COX7B2: variants seen among roughly 807,000 people sequenced by gnomAD.
COX7B2 encodes the protein cytochrome c oxidase subunit 7B2, also known as cytochrome c oxidase subunit 7B2, mitochondrial.
For synonymous variants in COX7B2, 37 were observed against 32.1 expected (o/e 1.15, Z -0.51); for missense variants, 109 against 95.9 (o/e 1.14, Z -0.57).
chr4:46,881,018 G>T (rs946333056), intron 1 of COX7B2, among the ~76,000 whole-genome samples: 5 of 131,490 alleles, frequency 3.8e-5, no homozygotes, highest in Non-Finnish European at 6.6e-5. Context: ...AAAACTCTTG[G>T]ATTCATTGAT....
chr4:46,805,355 A>C (rs1017603025), intron 2 of COX7B2, among the ~76,000 whole-genome samples: 1 of 152,212 alleles, frequency 6.6e-6, no homozygotes, highest in Non-Finnish European at 1.5e-5. Flanking sequence ...TCACCTCTCA[A>C]TATCACATTA....
At chr4:46,755,369 G>A (rs1330435379) in intron 2 of COX7B2, among the ~76,000 whole-genome samples, 1 of 151,940 alleles carries the variant, frequency 6.6e-6, no homozygotes, top group Non-Finnish European at 1.5e-5. Context: ...CATTCCCTCT[G>A]ATGATTTCTA....
chr4:46,818,404 C>A (rs568973809), intron 2 of COX7B2, among the ~76,000 whole-genome samples: 2 of 151,918 alleles, frequency 1.3e-5, no homozygotes, highest in Non-Finnish European at 2.9e-5. Flanking sequence ...GAGGCCGAGG[C>A]GGGTGGATCA....
intron 1 of COX7B2, among the ~76,000 whole-genome samples, chr4:46,872,973 G>GCC (rs1577681750): frequency 1.0e-5 from 1 of 96,500 alleles, no homozygotes; most frequent in Non-Finnish European, 2.1e-5. Context: ...CCCTCCCCTA[G>GCC]CCCCCCACCC....
intron 2 of COX7B2, among the ~76,000 whole-genome samples, chr4:46,757,138 A>T (rs1303503383): frequency 4.6e-5 from 7 of 152,128 alleles, no homozygotes; most frequent in African/African-American, 1.7e-4. Context: ...ATAAAAAAGA[A>T]TGAAAGAATG....
intron 1 of COX7B2, among the ~76,000 whole-genome samples, chr4:46,908,782 C>T (rs1465848648): frequency 1.3e-5 from 2 of 149,394 alleles, no homozygotes; most frequent in African/African-American, 2.5e-5. Flanking sequence ...TGGCTCACGC[C>T]TGTAATCCCA....
At chr4:46,831,384 G>A (rs887912555) in intron 2 of COX7B2, among the ~76,000 whole-genome samples, 24 of 152,086 alleles carry the variant, frequency 1.6e-4, no homozygotes, top group Admixed American at 3.9e-4. Flanking sequence ...TGCCACCCCC[G>A]GCTCCACGGC....
chr4:46,754,732 A>G (rs867313188), intron 2 of COX7B2, among the ~76,000 whole-genome samples: 9 of 119,894 alleles, frequency 7.5e-5, no homozygotes, highest in South Asian at 2.9e-4. Context: ...GTGTGTGTAT[A>G]TATATATATA....
At chr4:46,774,109 G>T (rs571907627) in intron 2 of COX7B2, among the ~76,000 whole-genome samples, 8 of 152,236 alleles carry the variant, frequency 5.3e-5, no homozygotes, top group African/African-American at 1.9e-4. Flanking sequence ...TTTCAGTCAA[G>T]ATGTTCACGC....
chr4:46,877,546 C>A (rs966161853), intron 1 of COX7B2, among the ~76,000 whole-genome samples: 9 of 151,904 alleles, frequency 5.9e-5, no homozygotes, highest in Admixed American at 4.6e-4. Flanking sequence ...ACAAAGAAAC[C>A]CAATTTAAAA....
chr4:46,859,052 T>C (rs1158393862), intron 1 of COX7B2, among the ~76,000 whole-genome samples: 5 of 152,282 alleles, frequency 3.3e-5, no homozygotes, highest in South Asian at 2.1e-4. Flanking sequence ...AGAGATAATG[T>C]GTTGTTCTTA....
intron 2 of COX7B2, among the ~76,000 whole-genome samples, chr4:46,806,973 T>A (rs1719030615): frequency 6.6e-6 from 1 of 152,036 alleles, no homozygotes; most frequent in African/African-American, 2.4e-5. Flanking sequence ...AATGCTGGAG[T>A]GAACATGGGA....
At chr4:46,754,724 G>A (rs374029999) in intron 2 of COX7B2, among the ~76,000 whole-genome samples, 7,917 of 43,502 alleles carry the variant, frequency 0.18, 797 homozygotes, top group African/African-American at 0.25. Flanking sequence ...GTGTGTGTGT[G>A]TGTGTATATA....
intron 2 of COX7B2, among the ~76,000 whole-genome samples, chr4:46,819,017 A>C (rs1714076314): frequency 6.6e-6 from 1 of 152,254 alleles, no homozygotes; most frequent in Non-Finnish European, 1.5e-5. Context: ...ATGATTGAAT[A>C]AATGAATAAA....
At chr4:46,853,224 A>T (rs922943989) in intron 1 of COX7B2, among the ~76,000 whole-genome samples, 2 of 152,174 alleles carry the variant, frequency 1.3e-5, no homozygotes, top group Admixed American at 6.6e-5. Context: ...TGTGAGTAAC[A>T]GGGATTAGCT....
At chr4:46,815,697 G>A (rs562212667) in intron 2 of COX7B2, among the ~76,000 whole-genome samples, 6 of 152,192 alleles carry the variant, frequency 3.9e-5, no homozygotes, top group African/African-American at 1.4e-4. Flanking sequence ...CAAGATGAGG[G>A]GAATATGTAA....
At chr4:46,765,399 T>C (rs1018858286) in intron 2 of COX7B2, among the ~76,000 whole-genome samples, 1 of 152,136 alleles carries the variant, frequency 6.6e-6, no homozygotes, top group African/African-American at 2.4e-5. Context: ...ATCCTAGTAC[T>C]AGACCAGCCG....
intron 1 of COX7B2, among the ~76,000 whole-genome samples, chr4:46,863,360 C>T (rs1190446033): frequency 1.3e-5 from 2 of 151,918 alleles, no homozygotes; most frequent in Non-Finnish European, 1.5e-5. Flanking sequence ...CAGGACAAGT[C>T]GGAAAGTACA....
At chr4:46,851,270 A>C (rs1311428173) in intron 1 of COX7B2, among the ~76,000 whole-genome samples, 1 of 152,130 alleles carries the variant, frequency 6.6e-6, no homozygotes, top group Non-Finnish European at 1.5e-5. Context: ...ATCTAAGATA[A>C]GCAAAACTAG....
Sources: allele counts gnomAD v4.1 joint callset (sites outside exome capture counted in the v4.1 genomes callset), GRCh38; gene constraint gnomAD v4.1.1; transcripts MANE v1.5; gene names NCBI Gene and HGNC (gene_info 2026-07-23, HGNC 2026-07-21).